The following TWSG1 variants were observed in gnomAD, a reference collection of about 807,000 sequenced individuals.
The protein encoded by TWSG1 is twisted gastrulation protein homolog 1.
In TWSG1, 15 loss-of-function variants were observed where a neutral mutation model predicts 23.0. The observed-to-expected ratio is 0.65, with a 90% CI of 0.44 to 1.00. The LOEUF (loss-of-function observed/expected upper bound fraction) is 1.00, where lower values mean the gene tolerates loss of function less well. TWSG1 is among the 50% of genes least tolerant of loss of function. The pLI is 0.00. For synonymous variants in TWSG1, 86 were observed against 92.8 expected (o/e 0.93, Z 0.42); for missense variants, 242 against 278.7 (o/e 0.87, Z 0.94).
chr18:9,373,404 C>T (rs1244316328), intron 3 of TWSG1, among the ~76,000 whole-genome samples: 1 of 152,050 alleles, frequency 6.6e-6, no homozygotes, highest in Non-Finnish European at 1.5e-5. Flanking sequence ...CATAGTGGTG[C>T]ATGCCTATAA....
intron 3 of TWSG1, 130 bp from the exon 4 acceptor site, chr18:9,396,150 A>C (rs969004876): frequency 6.1e-4 from 78 of 127,412 alleles, no homozygotes; most frequent in Admixed American, 5.2e-4. Flanking sequence ...CACCCAGCAA[A>C]AAAAAAAAAA....
intron 2 of TWSG1, among the ~76,000 whole-genome samples, chr18:9,339,980 C>T (rs2040439008): frequency 6.6e-6 from 1 of 152,122 alleles, no homozygotes; most frequent in Non-Finnish European, 1.5e-5. Context: ...TTCTGATATT[C>T]CGTTGTAGCT....
chr18:9,349,942 A>G (rs2040494190), intron 2 of TWSG1, among the ~76,000 whole-genome samples: 1 of 152,082 alleles, frequency 6.6e-6, no homozygotes, highest in African/African-American at 2.4e-5. Flanking sequence ...GAGTTTGAGA[A>G]CAGCCTGACC....
At chr18:9,352,499 A>G (rs1218503102) in intron 2 of TWSG1, among the ~76,000 whole-genome samples, 1 of 152,156 alleles carries the variant, frequency 6.6e-6, no homozygotes, top group South Asian at 2.1e-4. Flanking sequence ...TCTCATTGGG[A>G]TGCCCAAGTT....
At chr18:9,367,386 G>C (rs1367634639) in intron 3 of TWSG1, among the ~76,000 whole-genome samples, 3 of 152,076 alleles carry the variant, frequency 2.0e-5, no homozygotes, top group African/African-American at 7.2e-5. Flanking sequence ...TCTGCTCACC[G>C]CTTCTGTGAG....
chr18:9,371,009 T>G (rs1266104662), intron 3 of TWSG1, among the ~76,000 whole-genome samples: 1 of 151,724 alleles, frequency 6.6e-6, no homozygotes, highest in Non-Finnish European at 1.5e-5. Flanking sequence ...AGAAACTGAA[T>G]AGCAGTACCT....
At chr18:9,398,148 A>T (rs1481105830) in intron 4 of TWSG1, among the ~76,000 whole-genome samples, 1 of 152,186 alleles carries the variant, frequency 6.6e-6, no homozygotes, top group Non-Finnish European at 1.5e-5. Flanking sequence ...TGTAAAACAA[A>T]TGCTAGATTT....
At chr18:9,378,659 G>A (rs959634931) in intron 3 of TWSG1, among the ~76,000 whole-genome samples, 14 of 152,120 alleles carry the variant, frequency 9.2e-5, no homozygotes, top group African/African-American at 3.4e-4. Context: ...TCTTGGATAG[G>A]AAGAATCAAT....
chr18:9,339,467 A>G (rs2040436470), intron 2 of TWSG1, among the ~76,000 whole-genome samples: 2 of 152,044 alleles, frequency 1.3e-5, no homozygotes, highest in Admixed American at 1.3e-4. Context: ...TATTTTTGGT[A>G]GAGACAGGGT....
intron 4 of TWSG1, 125 bp from the exon 5 acceptor site, chr18:9,399,221 C>A (rs1331582659): frequency 4.6e-5 from 26 of 560,152 alleles, no homozygotes; most frequent in Non-Finnish European, 7.2e-5. Context: ...TCATCTTTGT[C>A]ATGTACAGAC....
At chr18:9,384,578 A>G (rs751776460) in intron 3 of TWSG1, among the ~76,000 whole-genome samples, 1 of 152,226 alleles carries the variant, frequency 6.6e-6, no homozygotes, top group Non-Finnish European at 1.5e-5. Context: ...GATAAATAAA[A>G]GGAACAATTG....
intron 1 of TWSG1, among the ~76,000 whole-genome samples, chr18:9,336,223 C>A (rs2040422481): frequency 6.6e-6 from 1 of 152,034 alleles, no homozygotes; most frequent in Non-Finnish European, 1.5e-5. Flanking sequence ...GAAACCCCGT[C>A]TCTACTAAAA....
chr18:9,373,742 C>T (rs932079802), intron 3 of TWSG1, among the ~76,000 whole-genome samples: 1 of 152,118 alleles, frequency 6.6e-6, no homozygotes, highest in Non-Finnish European at 1.5e-5. Context: ...AGCAGAATAT[C>T]CAAGCATGTA....
In TWSG1 at chr18:9,360,015, G is replaced by A. The variant is rs200497720; in HGVS notation, c.167G>A (p.Cys56Tyr). 80 of 1,613,656 alleles carry A rather than the reference G, an allele frequency of 5.0e-5. No individual in the cohort carries two copies. Among genetic ancestry groups the A allele is most frequent in the Non-Finnish European group, 6.5e-5 (77 of 1,179,772 alleles). ...CCGGGAGAAGGCAATTGCTCCTGCT[G>A]TAAGGAGTGCATGCTGTGTCTTGGG... ...CRPGEGNCSCCKECMLCLGAL... is the reference protein window; with the variant it reads ...CRPGEGNCSCYKECMLCLGAL... The change falls in exon 3 of 5, where the codon TGT (cysteine) becomes TAT (tyrosine). Residue 56 changes from cysteine to tyrosine, a missense_variant. Physicochemically the swap from Cys to Tyr is radical, Grantham distance 194 (BLOSUM62 -2). Transcript: ENST00000262120.
chr18:9,373,388 G>A (rs2040615150), intron 3 of TWSG1, among the ~76,000 whole-genome samples: 1 of 152,068 alleles, frequency 6.6e-6, no homozygotes, highest in Admixed American at 6.6e-5. Context: ...ACAAAAATTA[G>A]CTGGGCATAG....
intron 3 of TWSG1, among the ~76,000 whole-genome samples, chr18:9,394,110 A>T (rs138733219): frequency 6.6e-6 from 1 of 152,222 alleles, no homozygotes; most frequent in African/African-American, 2.4e-5. Flanking sequence ...CTCTGTGTTT[A>T]TTGCAGCAGT....
intron 2 of TWSG1, among the ~76,000 whole-genome samples, chr18:9,354,677 G>A (rs1003390880): frequency 5.3e-5 from 8 of 152,134 alleles, no homozygotes; most frequent in Admixed American, 1.3e-4. Flanking sequence ...ACTATTATGC[G>A]CTGATTAAAT....
At chr18:9,387,551 G>A (rs1478535713) in intron 3 of TWSG1, among the ~76,000 whole-genome samples, 1 of 151,932 alleles carries the variant, frequency 6.6e-6, no homozygotes, top group East Asian at 1.9e-4. Context: ...GATCACCTGA[G>A]GCCAGGAGTT....
At chr18:9,389,736 T>C (rs1314166659) in intron 3 of TWSG1, among the ~76,000 whole-genome samples, 1 of 152,242 alleles carries the variant, frequency 6.6e-6, no homozygotes, top group African/African-American at 2.4e-5. Flanking sequence ...CTTTTTAAAC[T>C]TTTAATCTGA....
Sources: allele counts gnomAD v4.1 joint callset (sites outside exome capture counted in the v4.1 genomes callset), GRCh38; gene constraint gnomAD v4.1.1; transcripts MANE v1.5; gene names NCBI Gene and HGNC (gene_info 2026-07-23, HGNC 2026-07-21).